Variants in LINGO4 observed in about 807,000 individuals in gnomAD.
The protein encoded by LINGO4 is leucine rich repeat and Ig domain containing 4, also known as leucine-rich repeat and immunoglobulin-like domain-containing nogo receptor-interacting protein 4.
In LINGO4, 22 loss-of-function variants were observed where a neutral mutation model predicts 27.9. The ratio of observed to expected loss-of-function variants is 0.79; its 90% CI spans 0.56 to 1.13. The LOEUF is 1.13. Ranked by LOEUF, LINGO4 falls within the 50% of genes most tolerant of loss-of-function variation. The pLI is 0.00. For missense variants in LINGO4, 706 were observed against 739.4 expected, an observed-to-expected ratio of 0.95 and a Z score of 0.52; for synonymous variants, 306 against 325.8, an observed-to-expected ratio of 0.94 and a Z score of 0.65.
rs374430750 is a variant in LINGO4, at chr1:151,801,136, C to A, written c.1569G>T (p.Gly523=). The change falls in exon 2 of 2, where the codon GGG becomes GGT. Residue 523 remains glycine (G), a synonymous_variant. Coordinates refer to ENST00000368820, the MANE Select transcript of LINGO4 (RefSeq NM_001004432.4). The surrounding 1 kb of genome is among the most constrained non-coding windows in gnomAD (Gnocchi z 5.7). ...DPNITVPGIP[G]PFFLDSRGVA... is the part of the protein sequence containing the mutation. ...CACCTCTGCTATCCAGAAAAAAAGG[C>A]CCTGGGATCCCTGGCACGGTGATGT... 1 of 1,614,158 alleles carries A rather than the reference C, an allele frequency of 6.2e-7. No homozygotes were observed. Among genetic ancestry groups the A allele is most frequent in the Admixed American group, 1.7e-5 (1 of 60,026 alleles).
chr1:151,801,110 A>C lies in LINGO4; in HGVS notation c.1595T>G (p.Val532Gly). ...GAAGCCGACTGCCAGCACCATGGCC[A>C]CACCTCTGCTATCCAGAAAAAAAGG... is the stretch of plus-strand genomic sequence containing the variant. ...PGPFFLDSRG[V>G]AMVLAVGFLP... is the part of the protein sequence containing the mutation. The change falls in exon 2 of 2, where the codon GTG becomes GGG. Residue 532 changes from valine (V) to glycine (G), a missense_variant. Physicochemically the swap from Val to Gly is moderately radical, Grantham distance 109. Transcript: ENST00000368820. This position sits in a 1 kb window ranked among gnomAD's most constrained non-coding sequence, Gnocchi z 5.7. The C allele has an allele frequency of 1.2e-6, 2 of 1,614,206 alleles. No homozygotes were observed. The highest frequency in any genetic ancestry group is 1.7e-6 in the Non-Finnish European group (2 of 1,180,026).
In LINGO4 at chr1:151,800,663, G is replaced by A. The variant is rs780457709; in HGVS notation, c.*260C>T. On this transcript the variant is annotated 3_prime_UTR_variant, in exon 2 of 2. Transcript: ENST00000368820. Reference sequence around the variant, plus strand: ...GATTATGTTTCCTGTTTTGTGTGTGGAGGGGGTGAAGCAGGGGCTGGACTA... The same window carrying A: ...GATTATGTTTCCTGTTTTGTGTGTGAAGGGGGTGAAGCAGGGGCTGGACTA... 8 of 477,436 alleles carry A rather than the reference G, an allele frequency of 1.7e-5. No homozygotes were observed. Among genetic ancestry groups the A allele is most frequent in the African/African-American group, 1.5e-4 (8 of 51,856 alleles). The allele number at this position is 477,436 out of a possible 1,614,324, so 29.6% of individuals were successfully genotyped here.
In LINGO4 at chr1:151,801,154, G is replaced by A. The variant is rs374560086; in HGVS notation, c.1551C>T (p.Thr517=). 66 of 1,614,082 alleles carry A rather than the reference G, an allele frequency of 4.1e-5. No homozygotes were observed. The highest frequency in any genetic ancestry group is 3.3e-4 in the Middle Eastern group (2 of 6,084). The change falls in exon 2 of 2, where the codon ACC becomes ACT. Residue 517 remains threonine, a synonymous_variant. Coordinates refer to ENST00000368820, the MANE Select transcript of LINGO4 (RefSeq NM_001004432.4). This position sits in a 1 kb window ranked among gnomAD's most constrained non-coding sequence, Gnocchi z 5.7. ...AAAAAGGCCCTGGGATCCCTGGCAC[G>A]GTGATGTTGGGGTCAGAAAGTGTGC... ...PNGTLSDPNI[T]VPGIPGPFFL...
Position 151,801,557 on chromosome 1 carries a change from G to C in LINGO4, c.1148C>G (p.Pro383Arg), listed in dbSNP as rs538232735. 6.2e-7 allele frequency: 1 copy of C among 1,612,788 alleles called. No homozygotes were observed. The highest frequency in any genetic ancestry group is 1.1e-5 in the South Asian group (1 of 91,068). ...GACATGATGGGGGCCAGCACAGGCA[G>C]GGGGGGACATGCCAAAGTCCAGGTG... ...RRHLDFGMSP[P>R]ACAGPHHVQG... is the part of the protein sequence containing the mutation. Residue 383 changes from proline (P) to arginine (R), a missense_variant, in exon 2 of 2, where the codon CCT becomes CGT. Transcript: ENST00000368820. This position sits in a 1 kb window ranked among gnomAD's most constrained non-coding sequence, Gnocchi z 5.7.
Position 151,801,112 on chromosome 1 carries a change from A to C in LINGO4, c.1593T>G (p.Gly531=), listed in dbSNP as rs112662394. Residue 531 remains glycine, a synonymous_variant, in exon 2 of 2, where the codon GGT becomes GGG. Transcript: ENST00000368820. The surrounding 1 kb of genome is among the most constrained non-coding windows in gnomAD (Gnocchi z 5.7). The stretch of plus-strand genomic sequence containing the variant: ...AGCCGACTGCCAGCACCATGGCCAC[A>C]CCTCTGCTATCCAGAAAAAAAGGCC... ...IPGPFFLDSR[G]VAMVLAVGFL... 2 of 1,614,040 alleles carry C rather than the reference A, an allele frequency of 1.2e-6. No individual in the cohort carries two copies. Among genetic ancestry groups the C allele is most frequent in the Admixed American group, 3.3e-5 (2 of 60,020 alleles).
Position 151,800,825 on chromosome 1 carries a change from C to T in LINGO4, c.*98G>A. 8.9e-7 allele frequency: 1 copy of T among 1,125,260 alleles called. No individual in the cohort carries two copies. The highest frequency in any genetic ancestry group is 1.3e-6 in the Non-Finnish European group (1 of 782,756). The allele number at this position is 1,125,260 out of a possible 1,614,324, so 69.7% of individuals were successfully genotyped here. Reference sequence around the variant, plus strand: ...AGGCGGGAGGTGCAGGAGAGCGGTGCTGCTCGGGACTAGGTTCTGGTTCAA... The same window carrying T: ...AGGCGGGAGGTGCAGGAGAGCGGTGTTGCTCGGGACTAGGTTCTGGTTCAA... On this transcript the variant is annotated 3_prime_UTR_variant, in exon 2 of 2. Transcript: ENST00000368820.
In LINGO4 at chr1:151,801,964, C is replaced by T. The variant is rs755932765; in HGVS notation, c.741G>A (p.Gly247=). 4 of 1,614,064 alleles carry T rather than the reference C, an allele frequency of 2.5e-6. No homozygotes were observed. Among genetic ancestry groups the T allele is most frequent in the Admixed American group, 3.3e-5 (2 of 60,012 alleles). The change falls in exon 2 of 2, where the codon GGG becomes GGA. Residue 247 remains glycine (G), a synonymous_variant. Transcript: ENST00000368820. The surrounding 1 kb of genome is among the most constrained non-coding windows in gnomAD (Gnocchi z 5.7). ...TGCTGAGATTGAGCCCAACCAGGCT[C>T]CCAGGGTCCAGAGCCTCCAGAGATG... ...LWPSLEALDP[G]SLVGLNLSSL... is the part of the protein sequence containing the mutation.
At position 151,801,575 on chromosome 1, in the gene LINGO4, T is replaced by A; in HGVS notation, c.1130A>T (p.Asp377Val). 6.2e-7 allele frequency: 1 copy of A among 1,613,622 alleles called. No individual in the cohort carries two copies. The highest frequency in any genetic ancestry group is 8.5e-7 in the Non-Finnish European group (1 of 1,179,994). Residue 377 changes from aspartate to valine, a missense_variant, in exon 2 of 2, where the codon GAC becomes GTC. Asp to Val is a radical substitution (Grantham distance 152). Coordinates refer to ENST00000368820, the MANE Select transcript of LINGO4 (RefSeq NM_001004432.4). The surrounding 1 kb of genome is among the most constrained non-coding windows in gnomAD (Gnocchi z 5.7). Reference protein sequence around the residue: ...LWLLRLRRHLDFGMSPPACAG... With the variant: ...LWLLRLRRHLVFGMSPPACAG... ...ACAGGCAGGGGGGGACATGCCAAAG[T>A]CCAGGTGGCGGCGGAGCCGGAGCAG...
chr1:151,800,547 T>C lies in LINGO4; in HGVS notation c.*376A>G, dbSNP rs1475777435. On this transcript the variant is annotated 3_prime_UTR_variant, in exon 2 of 2. Transcript: ENST00000368820. ...GCACTTCCCAGCCCCACCTCTGAAA[T>C]AATCTTATAGCCGTGGTTGGCAATT... 1 of 180,262 alleles carries C rather than the reference T, an allele frequency of 5.5e-6. No individual in the cohort carries two copies. Among genetic ancestry groups the C allele is most frequent in the African/African-American group, 2.4e-5 (1 of 42,266 alleles). 11.2% of individuals were successfully genotyped at this position (180,262 alleles called of 1,614,324 possible). A position where few individuals can be genotyped will look rare whatever the true frequency, so the allele number is the denominator to read the frequency against.
In LINGO4 at chr1:151,802,162, C is replaced by G. The variant is rs762914493; in HGVS notation, c.543G>C (p.Lys181Asn). 3 of 1,613,892 alleles carry G rather than the reference C, an allele frequency of 1.9e-6. No individual in the cohort carries two copies. The highest frequency in any genetic ancestry group is 8.5e-7 in the Non-Finnish European group (1 of 1,180,042). Residue 181 changes from lysine to asparagine, a missense_variant, in exon 2 of 2, where the codon AAG (lysine) becomes AAC (asparagine). Lys to Asn is a moderately conservative substitution (Grantham distance 94, BLOSUM62 0). Transcript: ENST00000368820. ...AGCGCTCCAGGGTGAGGGTGCTCAA[C>G]TTGGCTAGCCCTGCAAAGGCCCCCG... ...VAPGAFAGLA[K>N]LSTLTLERCN...
rs559924179 is a variant in LINGO4 at position 151,801,252 on chromosome 1, C to T, written c.1453G>A (p.Val485Met). Residue 485 changes from valine (V) to methionine (M), a missense_variant, in exon 2 of 2, where the codon GTG becomes ATG. Coordinates refer to ENST00000368820, the MANE Select transcript of LINGO4 (RefSeq NM_001004432.4). The surrounding 1 kb of genome is among the most constrained non-coding windows in gnomAD (Gnocchi z 5.7). ...TCATTCCCAGCGACATTGCTAACCACACAGACATAGGCCCCTCTGTCCCGT... is the reference window on the plus strand; with the variant it reads ...TCATTCCCAGCGACATTGCTAACCATACAGACATAGGCCCCTCTGTCCCGT... ...QLRDRGAYVC[V>M]VSNVAGNDSL... 1 of 1,614,220 alleles carries T rather than the reference C, an allele frequency of 6.2e-7. No individual in the cohort carries two copies. The highest frequency in any genetic ancestry group is 1.1e-5 in the South Asian group (1 of 91,086).
In LINGO4 at chr1:151,801,399, A is replaced by G; in HGVS notation, c.1306T>C (p.Ser436Pro). The G allele has an allele frequency of 6.2e-7, 1 of 1,614,116 alleles. No homozygotes were observed. Among genetic ancestry groups the G allele is most frequent in the Non-Finnish European group, 8.5e-7 (1 of 1,180,018 alleles). Reference protein sequence around the residue: ...EEGGHAVFSCSGDGDPAPTVS... With the variant: ...EEGGHAVFSCPGDGDPAPTVS... ...GTGGGGGCTGGGTCTCCATCTCCAG[A>G]GCAGGAGAAAACCGCATGCCCGCCC... The change falls in exon 2 of 2, where the codon TCT becomes CCT. Residue 436 changes from serine to proline, a missense_variant. Coordinates refer to ENST00000368820, the MANE Select transcript of LINGO4 (RefSeq NM_001004432.4). This position sits in a 1 kb window ranked among gnomAD's most constrained non-coding sequence, Gnocchi z 5.7.
At position 151,802,000 on chromosome 1, in the gene LINGO4, G is replaced by A; in HGVS notation, c.705C>T (p.Ile235=). 6.2e-7 allele frequency: 1 copy of A among 1,614,148 alleles called. No homozygotes were observed. Among genetic ancestry groups the A allele is most frequent in the East Asian group, 2.2e-5 (1 of 44,884 alleles). The change falls in exon 2 of 2, where the codon ATC becomes ATT. Residue 235 remains isoleucine, a synonymous_variant. Coordinates refer to ENST00000368820, the MANE Select transcript of LINGO4 (RefSeq NM_001004432.4). The surrounding 1 kb of genome is among the most constrained non-coding windows in gnomAD (Gnocchi z 5.7). The part of the protein sequence containing the change: ...RGLGQLKELE[I]HLWPSLEALD... ...GAGCCTCCAGAGATGGCCAGAGGTG[G>A]ATCTCCAGCTCCTTGAGCTGCCCCA...
chr1:151,801,325 T>C lies in LINGO4; in HGVS notation c.1380A>G (p.Arg460=), dbSNP rs1572028426. The C allele has an allele frequency of 6.2e-7, 1 of 1,612,426 alleles. No individual in the cohort carries two copies. The change falls in exon 2 of 2, where the codon AGA becomes AGG. Residue 460 remains arginine, a synonymous_variant. Transcript: ENST00000368820. The surrounding 1 kb of genome is among the most constrained non-coding windows in gnomAD (Gnocchi z 5.7). ...PHGAWLGRAG[R]VRVLEDGTLE... is the part of the protein sequence containing the mutation. ...GTGTCCCATCCTCTAGGACCCTTAC[T>C]CTCCCAGCCCTGCCCAGCCAAGCCC...
At position 151,801,135 on chromosome 1, in the gene LINGO4, G is replaced by T. The variant is rs2101643385; in HGVS notation, c.1570C>A (p.Pro524Thr). Residue 524 changes from proline to threonine, a missense_variant, in exon 2 of 2, where the codon CCT becomes ACT. Coordinates refer to ENST00000368820, the MANE Select transcript of LINGO4 (RefSeq NM_001004432.4). The surrounding 1 kb of genome is among the most constrained non-coding windows in gnomAD (Gnocchi z 5.7). ...ACACCTCTGCTATCCAGAAAAAAAG[G>T]CCCTGGGATCCCTGGCACGGTGATG... ...PNITVPGIPGPFFLDSRGVAM... is the reference protein window; with the variant it reads ...PNITVPGIPGTFFLDSRGVAM... 3.7e-6 allele frequency: 6 copies of T among 1,614,166 alleles called. No homozygotes were observed. In the East Asian group the frequency reaches 1.3e-4, roughly 36 times the overall value.
intron 1 of LINGO4, among the ~76,000 whole-genome samples, chr1:151,804,590 G>C (rs1651235732): frequency 6.6e-6 from 1 of 152,242 alleles, no homozygotes; most frequent in Non-Finnish European, 1.5e-5. Flanking sequence ...GCTCCTGTGA[G>C]TTTCCCCTGA....
chr1:151,802,880 C>T (rs1432388273), intron 1 of LINGO4, among the ~76,000 whole-genome samples, 163 bp from the exon 2 acceptor site: 1 of 152,158 alleles, frequency 6.6e-6, no homozygotes, highest in Non-Finnish European at 1.5e-5. Context: ...TGCCACCTCC[C>T]TGGGGCTTCC....
chr1:151,803,594 T>C (rs998849506), intron 1 of LINGO4, among the ~76,000 whole-genome samples: 1 of 152,228 alleles, frequency 6.6e-6, no homozygotes, highest in African/African-American at 2.4e-5. Flanking sequence ...TTAATGGTGT[T>C]TGGATTCTGG....
At chr1:151,803,169 T>C (rs1025687132) in intron 1 of LINGO4, among the ~76,000 whole-genome samples, 3 of 152,210 alleles carry the variant, frequency 2.0e-5, no homozygotes, top group African/African-American at 7.2e-5. Context: ...TCTTTCACAT[T>C]ATGTACCCAT....
Sources: allele counts gnomAD v4.1 joint callset (sites outside exome capture counted in the v4.1 genomes callset), GRCh38; gene constraint gnomAD v4.1.1; non-coding constraint Gnocchi (gnomAD v3.1); transcripts MANE v1.5; gene names NCBI Gene and HGNC (gene_info 2026-07-23, HGNC 2026-07-21).